ATP8A1: variants seen among roughly 807,000 people sequenced by gnomAD.
ATP8A1 encodes phospholipid-transporting ATPase IA.
Under a neutral mutation model 177.7 loss-of-function variants are expected in ATP8A1, and 90 were observed. That is an observed-to-expected ratio of 0.51 (90% CI 0.43 to 0.60). The LOEUF is 0.60. Among genes scored for constraint, ATP8A1 ranks in the 20% least tolerant of loss-of-function variants. The pLI is 0.00. For synonymous variants in ATP8A1, 493 were observed against 485.9 expected (o/e 1.01, Z -0.19); for missense variants, 1,072 against 1,392.8 (o/e 0.77, Z 3.67).
At chr4:42,548,951 GAA>G in intron 19 of ATP8A1, 60 bp downstream of exon 19, 3 of 1,333,834 alleles carry the variant, frequency 2.2e-6, no homozygotes, top group Non-Finnish European at 3.1e-6. Flanking sequence ...ATTCAAAAGG[GAA>G]AAAATAAAAA....
At chr4:42,517,204 G>A (rs1467135952) in intron 22 of ATP8A1, among the ~76,000 whole-genome samples, 6 of 151,336 alleles carry the variant, frequency 4.0e-5, no homozygotes, top group African/African-American at 1.5e-4. Context: ...AGGAGGCTGA[G>A]GGAGGAGAAT....
rs370955584 is a variant in ATP8A1 at position 42,556,067 on chromosome 4, C to T, written c.1341-27G>A. 3.7e-5 allele frequency: 57 copies of T among 1,550,894 alleles called. No homozygotes were observed. The South Asian group carries it at 5.3e-4, about 15-fold the overall frequency. Reference sequence around the variant, plus strand: ...TGAAGGGGGTAAAAAATAGAGTAAACCCAGTTCATTTATACCAGCCCACTG... The same window carrying T: ...TGAAGGGGGTAAAAAATAGAGTAAATCCAGTTCATTTATACCAGCCCACTG... On this transcript the variant is annotated intron_variant, in intron 15 of 36. Transcript: ENST00000381668.
chr4:42,467,507 C>T (rs1356374172), intron 25 of ATP8A1, among the ~76,000 whole-genome samples: 3 of 152,094 alleles, frequency 2.0e-5, no homozygotes, highest in African/African-American at 7.2e-5. Flanking sequence ...GCCTGGGCAA[C>T]ATGGTAAAAT....
At chr4:42,504,437 G>C (rs1348972069) in intron 23 of ATP8A1, among the ~76,000 whole-genome samples, 1 of 152,208 alleles carries the variant, frequency 6.6e-6, no homozygotes, top group Non-Finnish European at 1.5e-5. Context: ...TCCTTCGGAT[G>C]CTAAGGCCAA....
At chr4:42,454,642 T>C (rs1718284818) in intron 29 of ATP8A1, among the ~76,000 whole-genome samples, 1 of 152,052 alleles carries the variant, frequency 6.6e-6, no homozygotes, top group Non-Finnish European at 1.5e-5. Flanking sequence ...TGCAGGAAAG[T>C]AAACTATATA....
intron 33 of ATP8A1, among the ~76,000 whole-genome samples, chr4:42,439,293 CA>C (rs993637873): frequency 6.6e-6 from 1 of 152,184 alleles, no homozygotes; most frequent in African/African-American, 2.4e-5. Flanking sequence ...TTAAGTATCA[CA>C]GTGGCTGGGA....
chr4:42,530,409 C>T (rs1034467084), intron 20 of ATP8A1, among the ~76,000 whole-genome samples: 4 of 152,238 alleles, frequency 2.6e-5, no homozygotes, highest in Non-Finnish European at 4.4e-5. Context: ...TATGGGTTTG[C>T]CTATCCTGCA....
At position 42,656,836 on chromosome 4, in the gene ATP8A1, G is replaced by T; in HGVS notation, c.38C>A (p.Ser13Ter). 1 of 1,583,452 alleles carries T rather than the reference G, an allele frequency of 6.3e-7. No individual in the cohort carries two copies. Among genetic ancestry groups the T allele is most frequent in the East Asian group, 2.3e-5 (1 of 42,634 alleles). Residue 13 changes from serine (S) to a stop codon, truncating the protein, a stop_gained, in exon 1 of 37, where the codon TCG (serine) becomes TAG (stop). Coordinates refer to ENST00000381668, the MANE Select transcript of ATP8A1 (RefSeq NM_006095.2). LOFTEE classifies it high-confidence loss of function. ...TMRRTVSEIR[S>*]RAEGYEKTDD... Reference sequence around the variant, plus strand: ...CGGCGGCCCCTTACCTTCGGCGCGCGAGCGGATCTCCGACACGGTCCTCCG... The same window carrying T: ...CGGCGGCCCCTTACCTTCGGCGCGCTAGCGGATCTCCGACACGGTCCTCCG...
At chr4:42,635,778 C>CATATAT (rs1279984098) in intron 1 of ATP8A1, among the ~76,000 whole-genome samples, 54 of 33,636 alleles carry the variant, frequency 1.6e-3, no homozygotes, top group African/African-American at 4.1e-3. Flanking sequence ...CACACACACA[C>CATATAT]ACACATATAT....
At chr4:42,555,131 ATCTAT>A (rs1560454486) in intron 16 of ATP8A1, among the ~76,000 whole-genome samples, 21 of 76,726 alleles carry the variant, frequency 2.7e-4, no homozygotes, top group African/African-American at 1.2e-3. Flanking sequence ...CTATCTATCT[ATCTAT>A]CTAATCTATC....
intron 15 of ATP8A1, 47 bp from the exon 16 acceptor site, chr4:42,556,087 C>T (rs760551415): frequency 3.0e-6 from 4 of 1,326,682 alleles, no homozygotes; most frequent in Non-Finnish European, 3.2e-6. Flanking sequence ...TTATACCAGC[C>T]CACTGATCTA....
At chr4:42,602,314 C>T (rs1735365076) in intron 5 of ATP8A1, among the ~76,000 whole-genome samples, 1 of 152,174 alleles carries the variant, frequency 6.6e-6, no homozygotes, top group Admixed American at 6.5e-5. Flanking sequence ...AAACTGATCC[C>T]AGGAGTAAAT....
chr4:42,520,690 A>G (rs748780454), intron 22 of ATP8A1, among the ~76,000 whole-genome samples: 1 of 152,184 alleles, frequency 6.6e-6, no homozygotes, highest in African/African-American at 2.4e-5. Context: ...GACACCATAC[A>G]TGCTATCCCA....
chr4:42,576,605 T>C (rs1378047872), intron 12 of ATP8A1, among the ~76,000 whole-genome samples: 1 of 152,048 alleles, frequency 6.6e-6, no homozygotes, highest in Non-Finnish European at 1.5e-5. Flanking sequence ...TATTAGACTA[T>C]TTTATTAACA....
At chr4:42,519,660 A>G (rs1040232209) in intron 22 of ATP8A1, among the ~76,000 whole-genome samples, 1 of 152,184 alleles carries the variant, frequency 6.6e-6, no homozygotes, top group African/African-American at 2.4e-5. Context: ...AGATCACCAA[A>G]TGAAGCTCCA....
chr4:42,446,968 T>C (rs1717339218), intron 30 of ATP8A1, among the ~76,000 whole-genome samples: 1 of 152,086 alleles, frequency 6.6e-6, no homozygotes, highest in Non-Finnish European at 1.5e-5. Flanking sequence ...AAGAACTCTG[T>C]TAACAATATG....
chr4:42,446,080 C>CAAAAAAAA (rs11311245), intron 31 of ATP8A1, among the ~76,000 whole-genome samples: 5 of 63,902 alleles, frequency 7.8e-5, no homozygotes, highest in African/African-American at 1.4e-4. Context: ...AACGCCCTCT[C>CAAAAAAAA]AAAAAAAAAA....
In ATP8A1 at chr4:42,541,023, G is replaced by A. The variant is rs570877974; in HGVS notation, c.1722+2894C>T. Among the ~76,000 whole-genome samples the A allele has an allele frequency of 2.0e-5, 3 of 152,176 alleles. No individual in the cohort carries two copies. The East Asian group carries it at 5.8e-4, about 29-fold the overall frequency. On this transcript the variant is annotated intron_variant, in intron 20 of 36. Transcript: ENST00000381668. ...AAATGTGTACAAGTAATAAAAACAA[G>A]GCTGAGACAGGAGGATCACTTGAGC...
At chr4:42,534,898 C>T (rs553335650) in intron 20 of ATP8A1, among the ~76,000 whole-genome samples, 5 of 152,150 alleles carry the variant, frequency 3.3e-5, no homozygotes, top group African/African-American at 1.2e-4. Flanking sequence ...ATTTTGTATC[C>T]AGCGAAACTA....
Sources: gnomAD v4.1 joint callset for allele counts (sites outside exome capture counted in the v4.1 genomes callset) on GRCh38, gnomAD v4.1.1 for gene constraint, MANE v1.5 for transcripts, NCBI Gene and HGNC (gene_info 2026-07-23, HGNC 2026-07-21) for gene names.